MYO9A: variants seen among roughly 807,000 people sequenced by gnomAD.
MYO9A encodes myosin IXA.
Under a neutral mutation model 293.3 loss-of-function variants are expected in MYO9A, and 103 were observed. That is an observed-to-expected ratio of 0.35 (90% confidence interval 0.30 to 0.41). The LOEUF is 0.41. Among genes scored for constraint, MYO9A ranks in the 10% least tolerant of loss-of-function variants. The pLI, the probability that MYO9A is intolerant of heterozygous loss-of-function variation, is 1.00. For synonymous variants in MYO9A, 1,001 were observed against 1,035.7 expected (o/e 0.97, Z 0.64); for missense variants, 2,685 against 3,033.0 (o/e 0.89, Z 2.69).
At chr15:71,971,794 A>AAT (rs1409061946) in intron 12 of MYO9A, among the ~76,000 whole-genome samples, 1 of 149,832 alleles carries the variant, frequency 6.7e-6, no homozygotes, top group East Asian at 1.9e-4. Flanking sequence ...TAAATAAATA[A>AAT]ATATATATAT....
chr15:72,080,408 T>C (rs1225506224), intron 1 of MYO9A, among the ~76,000 whole-genome samples: 1 of 151,028 alleles, frequency 6.6e-6, no homozygotes, highest in Admixed American at 6.6e-5. Flanking sequence ...TCATCTGCCA[T>C]TTACAGAGAG....
intron 11 of MYO9A, among the ~76,000 whole-genome samples, chr15:71,980,021 C>CT (rs896686827): frequency 2.5e-4 from 38 of 150,870 alleles, no homozygotes; most frequent in African/African-American, 9.3e-4. Context: ...CTACTTTTTT[C>CT]TTTTTTTTTA....
intron 2 of MYO9A, among the ~76,000 whole-genome samples, chr15:72,044,361 G>A (rs575847351): frequency 2.7e-4 from 40 of 149,660 alleles, no homozygotes; most frequent in African/African-American, 8.9e-4. Context: ...AGCCGAGACC[G>A]CACCATTGCA....
At chr15:71,988,904 C>CT (rs1168550682) in intron 11 of MYO9A, among the ~76,000 whole-genome samples, 1 of 151,874 alleles carries the variant, frequency 6.6e-6, no homozygotes, top group Non-Finnish European at 1.5e-5. Flanking sequence ...AAAGCCCACT[C>CT]TTTTTTTTGA....
intron 15 of MYO9A, among the ~76,000 whole-genome samples, chr15:71,939,458 GGTTTTCT>G (rs2058717737): frequency 6.6e-6 from 1 of 152,132 alleles, no homozygotes; most frequent in African/African-American, 2.4e-5. Flanking sequence ...TGCAGTATTT[GGTTTTCT>G]GTTCCTGCAT....
In MYO9A at chr15:72,041,230, T is replaced by C. The variant is rs142536741; in HGVS notation, c.840+4494A>G. 1.4e-5 allele frequency: 19 copies of C among 1,387,056 alleles called. No homozygotes were observed. The East Asian group carries it at 4.4e-4, about 32-fold the overall frequency. 85.9% of individuals were successfully genotyped at this position (1,387,056 alleles called of 1,614,324 possible). On this transcript the variant is annotated intron_variant, in intron 2 of 41. Coordinates refer to ENST00000356056, the MANE Select transcript of MYO9A (RefSeq NM_006901.4). ...ATGGCTACAGCATATTCTTCACTCA[T>C]TGCACACATGACAGACACCTGTACA...
At chr15:72,073,441 TAG>T (rs1334039745) in intron 1 of MYO9A, among the ~76,000 whole-genome samples, 1 of 152,216 alleles carries the variant, frequency 6.6e-6, no homozygotes, top group South Asian at 2.1e-4. Flanking sequence ...CTTTGTTCCA[TAG>T]AGTCAACATA....
intron 1 of MYO9A, among the ~76,000 whole-genome samples, chr15:72,107,794 G>C (rs1243879047): frequency 8.7e-5 from 1 of 11,432 alleles, no homozygotes; most frequent in Admixed American, 1.8e-3. Flanking sequence ...GACAATTTGA[G>C]CATCAAAAAA....
intron 27 of MYO9A, among the ~76,000 whole-genome samples, chr15:71,884,937 C>G (rs953191308): frequency 1.3e-5 from 2 of 150,194 alleles, no homozygotes; most frequent in Admixed American, 1.3e-4. Flanking sequence ...GGTTTTGAAG[C>G]CCATGAGCTC....
In MYO9A at chr15:72,048,332, G is replaced by A. The variant is rs2078452929; in HGVS notation, c.-71-1698C>T. On this transcript the variant is annotated intron_variant, in intron 1 of 41. Transcript: ENST00000356056. Reference sequence around the variant, plus strand: ...GAGAATCACTTGAACCCGGGAGGCAGAGGTTACAGTGAGCTGAGGTCGCAC... The same window carrying A: ...GAGAATCACTTGAACCCGGGAGGCAAAGGTTACAGTGAGCTGAGGTCGCAC... Among the ~76,000 whole-genome samples the A allele has an allele frequency of 2.0e-5, 3 of 151,826 alleles. 1 individual carries two copies. In the South Asian group the frequency reaches 6.3e-4, roughly 32 times the overall value.
Position 71,822,838 on chromosome 15 carries a change from A to G in MYO9A, c.*3742T>C, listed in dbSNP as rs1262645699. ...AACCAGGGGACCAACATGAGACCTAATAGATCCATCTCCACAATCATCATT... is the reference window on the plus strand; with the variant it reads ...AACCAGGGGACCAACATGAGACCTAGTAGATCCATCTCCACAATCATCATT... On this transcript the variant is annotated 3_prime_UTR_variant, in exon 42 of 42. Coordinates refer to ENST00000356056, the MANE Select transcript of MYO9A (RefSeq NM_006901.4). 2 of 152,208 alleles carry G rather than the reference A, an allele frequency of 1.3e-5. No homozygotes were observed. The highest frequency in any genetic ancestry group is 4.8e-5 in the African/African-American group (2 of 41,438). 9.4% of individuals were successfully genotyped at this position (152,208 alleles called of 1,614,324 possible). A position where few individuals can be genotyped will look rare whatever the true frequency, so the allele number is the denominator to read the frequency against.
chr15:72,035,761 T>C (rs1436404270), intron 2 of MYO9A, among the ~76,000 whole-genome samples: 2 of 152,136 alleles, frequency 1.3e-5, no homozygotes, highest in Non-Finnish European at 2.9e-5. Context: ...GCTGTGACTG[T>C]ACCACTGCAC....
chr15:71,989,236 A>C (rs10048041), intron 11 of MYO9A, among the ~76,000 whole-genome samples: 3,349 of 152,224 alleles, frequency 0.022, 121 homozygotes, highest in African/African-American at 0.078. Context: ...TGAGATCCTC[A>C]TAAGAAATAT....
intron 15 of MYO9A, among the ~76,000 whole-genome samples, chr15:71,939,715 A>T (rs747648336): frequency 2.0e-5 from 3 of 152,232 alleles, no homozygotes; most frequent in Non-Finnish European, 4.4e-5. Context: ...AAAAAATGTA[A>T]TGTTCTTCAA....
chr15:71,899,788 T>C lies in MYO9A; in HGVS notation c.3369A>G (p.Gln1123=). 1.2e-6 allele frequency: 2 copies of C among 1,614,220 alleles called. No homozygotes were observed. The highest frequency in any genetic ancestry group is 1.7e-6 in the Non-Finnish European group (2 of 1,180,040). Residue 1123 remains glutamine, a synonymous_variant, in exon 24 of 42, where the codon CAA becomes CAG. Transcript: ENST00000356056. The part of the protein sequence containing the change: ...RRRHMAAICI[Q]ARWKAYRESK... ...TTTCCCTGTAGGCTTTCCATCTTGC[T>C]TGTATGCAAATAGCAGCCATGTGCC... is the stretch of plus-strand genomic sequence containing the variant.
chr15:72,063,892 G>A (rs769648404), intron 1 of MYO9A, among the ~76,000 whole-genome samples: 3 of 152,116 alleles, frequency 2.0e-5, no homozygotes, highest in Admixed American at 6.5e-5. Context: ...ACCAAGATTT[G>A]GAATCAACCT....
chr15:72,051,295 C>T (rs371623562), intron 1 of MYO9A, among the ~76,000 whole-genome samples: 20 of 152,312 alleles, frequency 1.3e-4, no homozygotes, highest in African/African-American at 3.8e-4. Context: ...GCCAGGACTG[C>T]GTGCTCCATG....
At chr15:71,974,382 C>G (rs2076086116) in intron 12 of MYO9A, among the ~76,000 whole-genome samples, 3 of 152,208 alleles carry the variant, frequency 2.0e-5, no homozygotes, top group Admixed American at 1.3e-4. Context: ...GGAGCATCCC[C>G]TTAGATTTTT....
At chr15:72,088,202 G>C (rs1236970655) in intron 1 of MYO9A, among the ~76,000 whole-genome samples, 3 of 152,194 alleles carry the variant, frequency 2.0e-5, no homozygotes, top group South Asian at 4.1e-4. Flanking sequence ...GTGGTATTTT[G>C]TTATGGCAGC....
Sources: gnomAD v4.1 joint callset for allele counts (sites outside exome capture counted in the v4.1 genomes callset) on GRCh38, gnomAD v4.1.1 for gene constraint, MANE v1.5 for transcripts, NCBI Gene and HGNC (gene_info 2026-07-23, HGNC 2026-07-21) for gene names.